Variants in KCNJ6 observed in about 807,000 individuals in gnomAD.
The protein encoded by KCNJ6 is potassium inwardly rectifying channel subfamily J member 6.
Under a neutral mutation model 34.2 loss-of-function variants are expected in KCNJ6, and 9 were observed. The ratio of observed to expected loss-of-function variants is 0.26; its 90% CI spans 0.16 to 0.46. KCNJ6 has a LOEUF of 0.46. Among genes scored for constraint, KCNJ6 ranks in the 20% least tolerant of loss-of-function variants. KCNJ6 has a pLI of 1.00. For missense variants in KCNJ6, 236 were observed against 531.3 expected, an observed-to-expected ratio of 0.44 and a Z score of 5.46; for synonymous variants, 196 against 207.1, an observed-to-expected ratio of 0.95 and a Z score of 0.46.
rs1330703148 is a variant in KCNJ6, at chr21:37,803,948, C to T, written c.25+36710G>A. 1.2e-4 allele frequency among the ~76,000 whole-genome samples: 19 copies of T among 152,108 alleles called. No homozygotes were observed. In the East Asian group the frequency reaches 2.3e-3, roughly 18 times the overall value. Reference sequence around the variant, plus strand: ...GCTTTTGCTGATGTTGCCTGCCCTTCGCTTCTATCCAAGTCTCCCACTTTG... The same window carrying T: ...GCTTTTGCTGATGTTGCCTGCCCTTTGCTTCTATCCAAGTCTCCCACTTTG... On this transcript the variant is annotated intron_variant, in intron 2 of 3. Transcript: ENST00000609713.
At chr21:37,906,682 C>G (rs2055843290) in intron 1 of KCNJ6, among the ~76,000 whole-genome samples, 1 of 152,184 alleles carries the variant, frequency 6.6e-6, no homozygotes, top group Non-Finnish European at 1.5e-5. Context: ...CAGAGACCCC[C>G]AACAGTGGCC....
chr21:37,912,807 T>C (rs2055873098), intron 1 of KCNJ6, among the ~76,000 whole-genome samples: 1 of 152,188 alleles, frequency 6.6e-6, no homozygotes, highest in Non-Finnish European at 1.5e-5. Flanking sequence ...TTTAACCACA[T>C]CCTGAGTGCT....
chr21:37,825,307 A>G (rs2055393668), intron 2 of KCNJ6, among the ~76,000 whole-genome samples: 1 of 152,172 alleles, frequency 6.6e-6, no homozygotes, highest in African/African-American at 2.4e-5. Flanking sequence ...ATTCACTGAG[A>G]ATCTCAAGAG....
Position 37,808,820 on chromosome 21 carries a change from T to C in KCNJ6, c.25+31838A>G, listed in dbSNP as rs75040196. ...TGGGCTAGCTCTCCCAGAGAGAAGG[T>C]CTTGATTTCCTTTCTCTCTCTCTCT... is the stretch of plus-strand genomic sequence containing the variant. On this transcript the variant is annotated intron_variant, in intron 2 of 3. Coordinates refer to ENST00000609713, the MANE Select transcript of KCNJ6 (RefSeq NM_002240.5). 5.1e-3 allele frequency among the ~76,000 whole-genome samples: 782 copies of C among 152,300 alleles called. 8 individuals are homozygous for C. Among genetic ancestry groups the C allele is most frequent in the African/African-American group, 0.018 (756 of 41,570 alleles).
intron 2 of KCNJ6, among the ~76,000 whole-genome samples, chr21:37,752,395 A>C (rs1039115339): frequency 1.3e-5 from 2 of 152,174 alleles, no homozygotes; most frequent in Non-Finnish European, 2.9e-5. Flanking sequence ...ATTTCTATAC[A>C]CATGGCGGCT....
chr21:37,747,820 C>T (rs1222884390), intron 2 of KCNJ6, among the ~76,000 whole-genome samples: 36 of 152,192 alleles, frequency 2.4e-4, no homozygotes, highest in Non-Finnish European at 1.2e-4. Context: ...ACAATTTTAA[C>T]CCAGTGAGAC....
intron 2 of KCNJ6, among the ~76,000 whole-genome samples, chr21:37,808,614 T>C (rs925672082): frequency 6.6e-6 from 1 of 152,236 alleles, no homozygotes. Context: ...AGGCCCTAGA[T>C]ATCTAAGATG....
chr21:37,798,447 A>G (rs1207895820), intron 2 of KCNJ6, among the ~76,000 whole-genome samples: 2 of 152,124 alleles, frequency 1.3e-5, no homozygotes, highest in African/African-American at 4.8e-5. Context: ...CTGCCCCAAG[A>G]GAAAGAAAAC....
intron 2 of KCNJ6, among the ~76,000 whole-genome samples, chr21:37,799,872 G>A (rs898004319): frequency 1.3e-5 from 2 of 152,034 alleles, no homozygotes; most frequent in African/African-American, 4.8e-5. Flanking sequence ...TTTTCCTATG[G>A]ATTCTATTTT....
At chr21:37,848,791 G>A (rs2055523015) in intron 1 of KCNJ6, among the ~76,000 whole-genome samples, 1 of 152,198 alleles carries the variant, frequency 6.6e-6, no homozygotes, top group South Asian at 2.1e-4. Context: ...ATGGGTAGCA[G>A]AGATAAGAGT....
chr21:37,788,879 T>C (rs576406940), intron 2 of KCNJ6, among the ~76,000 whole-genome samples: 3 of 152,320 alleles, frequency 2.0e-5, no homozygotes, highest in African/African-American at 7.2e-5. Flanking sequence ...GGATGGTTTG[T>C]TATGCAGCAA....
At chr21:37,802,549 C>T (rs2055274210) in intron 2 of KCNJ6, among the ~76,000 whole-genome samples, 1 of 152,118 alleles carries the variant, frequency 6.6e-6, no homozygotes, top group Admixed American at 6.5e-5. Context: ...GATGAAGAAT[C>T]AGGTCAGGAG....
At chr21:37,860,259 A>G (rs968088522) in intron 1 of KCNJ6, among the ~76,000 whole-genome samples, 2 of 152,128 alleles carry the variant, frequency 1.3e-5, no homozygotes, top group African/African-American at 2.4e-5. Flanking sequence ...TATCGGTGAT[A>G]ATTTTTCTCC....
intron 2 of KCNJ6, among the ~76,000 whole-genome samples, chr21:37,827,843 A>G (rs2055406269): frequency 6.6e-6 from 1 of 152,232 alleles, no homozygotes; most frequent in Non-Finnish European, 1.5e-5. Context: ...TTATATATGT[A>G]TAAATATACA....
intron 3 of KCNJ6, among the ~76,000 whole-genome samples, chr21:37,664,299 A>T (rs1447767682): frequency 6.6e-6 from 1 of 152,138 alleles, no homozygotes; most frequent in East Asian, 1.9e-4. Flanking sequence ...AGAGAGAAAA[A>T]GTAACAGAAT....
chr21:37,889,068 C>A (rs186033337), intron 1 of KCNJ6, among the ~76,000 whole-genome samples: 4 of 152,318 alleles, frequency 2.6e-5, no homozygotes, highest in African/African-American at 9.6e-5. Context: ...GTAGGAGATG[C>A]TGAGGGTGGG....
intron 3 of KCNJ6, among the ~76,000 whole-genome samples, chr21:37,710,594 G>A (rs965605361): frequency 1.3e-5 from 2 of 152,218 alleles, no homozygotes; most frequent in Non-Finnish European, 2.9e-5. Flanking sequence ...TTGTATAATC[G>A]CTGGGGGTAA....
intron 1 of KCNJ6, among the ~76,000 whole-genome samples, chr21:37,866,617 G>C (rs1305758650): frequency 9.1e-6 from 1 of 109,798 alleles, no homozygotes; most frequent in Non-Finnish European, 1.8e-5. Flanking sequence ...TGGCAACTGG[G>C]GAGAATGAGC....
chr21:37,830,355 A>C (rs1406161518), intron 2 of KCNJ6, among the ~76,000 whole-genome samples: 1 of 152,162 alleles, frequency 6.6e-6, no homozygotes, highest in African/African-American at 2.4e-5. Flanking sequence ...AGAAGAATAA[A>C]TGCCTGGGTC....
Sources: allele counts gnomAD v4.1 joint callset (sites outside exome capture counted in the v4.1 genomes callset), GRCh38; gene constraint gnomAD v4.1.1; transcripts MANE v1.5; gene names NCBI Gene and HGNC (gene_info 2026-07-23, HGNC 2026-07-21).